Variants in AKAP19 observed in about 807,000 individuals in gnomAD.
The protein encoded by AKAP19 is small A-kinase anchoring protein.
chr2:190,173,658 AC>A, the AKAP19 span, among the ~76,000 whole-genome samples: 2 of 152,198 alleles, frequency 1.3e-5, no homozygotes. Context: ...CATTTCACAA[AC>A]CAGACCATCG....
the AKAP19 span, among the ~76,000 whole-genome samples, chr2:190,005,676 T>G: frequency 6.6e-6 from 1 of 152,252 alleles, no homozygotes; most frequent in Admixed American, 6.5e-5. Context: ...CTCATGGTTT[T>G]TCTTTTCCTC....
chr2:190,126,701 T>A, the AKAP19 span, among the ~76,000 whole-genome samples: 1 of 151,612 alleles, frequency 6.6e-6, no homozygotes, highest in Admixed American at 6.6e-5. Context: ...TAAGAAAACA[T>A]AAAGCAAATA....
the AKAP19 span, among the ~76,000 whole-genome samples, chr2:189,908,547 CATG>C: frequency 6.6e-6 from 1 of 152,086 alleles, no homozygotes; most frequent in African/African-American, 2.4e-5. Context: ...TAAGTTTTGA[CATG>C]GTGTGTTTTC....
chr2:190,100,062 G>A, the AKAP19 span, among the ~76,000 whole-genome samples: 1 of 152,158 alleles, frequency 6.6e-6, no homozygotes, highest in Admixed American at 6.5e-5. Flanking sequence ...CTCCCTGAAA[G>A]GAGATTACAG....
chr2:189,936,261 C>CAA, the AKAP19 span, among the ~76,000 whole-genome samples: 3 of 96,814 alleles, frequency 3.1e-5, no homozygotes, highest in Non-Finnish European at 6.4e-5. Flanking sequence ...CTTGTTGATA[C>CAA]ACACACACAC....
the AKAP19 span, chr2:189,930,707 C>A: frequency 4.4e-5 from 24 of 543,686 alleles, no homozygotes; most frequent in East Asian, 8.0e-4. Flanking sequence ...TGAATTGGGT[C>A]CCCATAAACA....
chr2:190,130,933 A>G, the AKAP19 span, among the ~76,000 whole-genome samples: 1 of 152,212 alleles, frequency 6.6e-6, no homozygotes, highest in African/African-American at 2.4e-5. Context: ...GTGACACTAA[A>G]TGTAAATGCT....
chr2:189,884,014 A>G, the AKAP19 span, among the ~76,000 whole-genome samples: 2 of 152,162 alleles, frequency 1.3e-5, no homozygotes, highest in Admixed American at 1.3e-4. Context: ...TTACACCCAG[A>G]TGCTTAATAA....
At chr2:190,057,445 T>C in the AKAP19 span, 1 of 1,613,540 alleles carries the variant, frequency 6.2e-7, no homozygotes, top group Non-Finnish European at 8.5e-7. Context: ...AAATACAAAT[T>C]CACACTCTCC....
chr2:189,934,184 A>G, the AKAP19 span, among the ~76,000 whole-genome samples: 3 of 152,128 alleles, frequency 2.0e-5, no homozygotes, highest in East Asian at 1.9e-4. Context: ...TAGAAATAGA[A>G]CCAAGAGAAG....
the AKAP19 span, among the ~76,000 whole-genome samples, chr2:190,054,312 T>C: frequency 6.6e-6 from 1 of 152,138 alleles, no homozygotes; most frequent in South Asian, 2.1e-4. Flanking sequence ...ACTGGATCCC[T>C]TCCTTACACC....
chr2:190,008,748 ACACACACACACACACACACACACC>A, the AKAP19 span, among the ~76,000 whole-genome samples: 6 of 100,976 alleles, frequency 5.9e-5, no homozygotes, highest in Non-Finnish European at 9.9e-5. Context: ...ACACACACAC[ACACACACACACACACACACACACC>A]CACCTGGTCT....
At chr2:190,141,178 C>G in the AKAP19 span, among the ~76,000 whole-genome samples, 1 of 152,222 alleles carries the variant, frequency 6.6e-6, no homozygotes, top group Admixed American at 6.5e-5. Context: ...AACATTCCCA[C>G]ATCTTCCTGT....
chr2:190,203,149 C>T, the AKAP19 span: 8 of 167,048 alleles, frequency 4.8e-5, no homozygotes, highest in African/African-American at 1.9e-4. Flanking sequence ...GGAAACTATA[C>T]TTTTGTATTA....
the AKAP19 span, among the ~76,000 whole-genome samples, chr2:190,175,294 C>T: frequency 6.6e-6 from 1 of 152,130 alleles, no homozygotes; most frequent in Non-Finnish European, 1.5e-5. Flanking sequence ...AGATGCACAT[C>T]AGTAAACTTA....
At chr2:190,181,315 T>C in the AKAP19 span, 1 of 226,394 alleles carries the variant, frequency 4.4e-6, no homozygotes, top group Non-Finnish European at 7.4e-6. Context: ...CCCCTACCCC[T>C]TCAATTTTGT....
chr2:189,953,184 T>C, the AKAP19 span, among the ~76,000 whole-genome samples: 1 of 152,126 alleles, frequency 6.6e-6, no homozygotes, highest in Non-Finnish European at 1.5e-5. Context: ...CTAAAAGGGC[T>C]TTACTCAAGG....
At chr2:190,201,565 G>GA in the AKAP19 span, 1 of 167,008 alleles carries the variant, frequency 6.0e-6, no homozygotes, top group African/African-American at 2.4e-5. Flanking sequence ...TAAGCAGGCA[G>GA]AAAATCTACC....
chr2:189,978,903 T>A, the AKAP19 span, among the ~76,000 whole-genome samples: 12 of 152,132 alleles, frequency 7.9e-5, 1 homozygote, highest in East Asian at 1.7e-3. Context: ...GGTAATTAAA[T>A]GTATACCAAA....
Sources: gnomAD v4.1 joint callset for allele counts (sites outside exome capture counted in the v4.1 genomes callset) on GRCh38, gnomAD v4.1.1 for gene constraint, MANE v1.5 for transcripts, NCBI Gene and HGNC (gene_info 2026-07-23, HGNC 2026-07-21) for gene names.